SLC2A13: variants seen among roughly 807,000 people sequenced by gnomAD.
SLC2A13 encodes proton myo-inositol cotransporter.
In SLC2A13, 32 loss-of-function variants were observed where a neutral mutation model predicts 64.4. The ratio of observed to expected loss-of-function variants is 0.50; its 90% CI spans 0.37 to 0.67. SLC2A13 has a LOEUF of 0.67. Ranked by LOEUF, SLC2A13 falls within the 30% of genes least tolerant of loss-of-function variation. The pLI, the probability that SLC2A13 is intolerant of heterozygous loss-of-function variation, is 0.00. For synonymous variants in SLC2A13, 338 were observed against 327.1 expected (o/e 1.03, Z -0.36); for missense variants, 743 against 829.2 (o/e 0.90, Z 1.28).
intron 7 of SLC2A13, among the ~76,000 whole-genome samples, chr12:39,826,349 A>G (rs1003891873): frequency 6.6e-6 from 1 of 151,886 alleles, no homozygotes; most frequent in African/African-American, 2.4e-5. Context: ...AACAGCATAC[A>G]ACTGTATTAA....
chr12:39,894,822 AAG>A (rs1309352220), intron 4 of SLC2A13, among the ~76,000 whole-genome samples: 1 of 152,184 alleles, frequency 6.6e-6, no homozygotes, highest in African/African-American at 2.4e-5. Context: ...AAGAAAGATA[AAG>A]AGAGGGAAAG....
chr12:40,066,268 C>A (rs1937720007), intron 1 of SLC2A13, among the ~76,000 whole-genome samples: 2 of 152,146 alleles, frequency 1.3e-5, no homozygotes, highest in Non-Finnish European at 1.5e-5. Flanking sequence ...GTATAACATT[C>A]AGTAAATGGC....
At chr12:39,896,447 T>TGTAC (rs1555127854) in intron 4 of SLC2A13, among the ~76,000 whole-genome samples, 1 of 133,604 alleles carries the variant, frequency 7.5e-6, no homozygotes, top group African/African-American at 2.9e-5. Context: ...CATATATGTA[T>TGTAC]ATGTGTGTAT....
At chr12:39,946,804 A>G (rs1341248415) in intron 4 of SLC2A13, among the ~76,000 whole-genome samples, 1 of 152,218 alleles carries the variant, frequency 6.6e-6, no homozygotes, top group East Asian at 1.9e-4. Flanking sequence ...TGTGAAAGAA[A>G]AGGGCTTTAG....
chr12:39,796,311 T>C (rs1941573081), intron 7 of SLC2A13, among the ~76,000 whole-genome samples: 1 of 151,856 alleles, frequency 6.6e-6, no homozygotes, highest in African/African-American at 2.4e-5. Context: ...GGTACAATTC[T>C]GGGTGCAGTG....
chr12:39,901,593 G>T lies in SLC2A13; in HGVS notation c.1035-29632C>A, dbSNP rs546055073. On this transcript the variant is annotated intron_variant, in intron 4 of 9. Transcript: ENST00000280871. Reference sequence around the variant, plus strand: ...GCAGCCAAAAAACACATGAAAAAATGCTCATCATCACTGGCCATCAGAGAA... The same window carrying T: ...GCAGCCAAAAAACACATGAAAAAATTCTCATCATCACTGGCCATCAGAGAA... Among the ~76,000 whole-genome samples, 9 of 124,142 alleles carry T rather than the reference G, an allele frequency of 7.2e-5. No homozygotes were observed. The East Asian group carries it at 2.1e-3, about 29-fold the overall frequency. 81.4% of individuals were successfully genotyped at this position (124,142 alleles called of 152,430 possible).
intron 4 of SLC2A13, among the ~76,000 whole-genome samples, chr12:39,893,372 T>G (rs1467532764): frequency 6.6e-6 from 1 of 152,246 alleles, no homozygotes; most frequent in Non-Finnish European, 1.5e-5. Context: ...CAATCTCAGC[T>G]GGCTGCAACC....
chr12:40,095,208 T>C (rs1938899955), intron 1 of SLC2A13, among the ~76,000 whole-genome samples: 1 of 152,236 alleles, frequency 6.6e-6, no homozygotes, highest in Admixed American at 6.5e-5. Flanking sequence ...AAAATGTCCT[T>C]CCATAGAATA....
rs1938596207 is a variant in SLC2A13 at position 40,086,671 on chromosome 12, C to T, written c.556+18582G>A. ...GTTACAAATACGAGAAGAAACAAGA[C>T]ATGCATTGTTGTCTCCTATCCACAA... is the stretch of plus-strand genomic sequence containing the variant. On this transcript the variant is annotated intron_variant, in intron 1 of 9. Transcript: ENST00000280871. 3.3e-5 allele frequency among the ~76,000 whole-genome samples: 5 copies of T among 152,186 alleles called. No homozygotes were observed. In the South Asian group the frequency reaches 1.0e-3, roughly 32 times the overall value.
At chr12:40,071,756 G>A (rs1937968262) in intron 1 of SLC2A13, among the ~76,000 whole-genome samples, 2 of 152,070 alleles carry the variant, frequency 1.3e-5, no homozygotes, top group East Asian at 1.9e-4. Flanking sequence ...CATTTTTAAT[G>A]TCCATGGAAT....
intron 6 of SLC2A13, among the ~76,000 whole-genome samples, chr12:39,841,602 AAT>A (rs1380696916): frequency 6.6e-6 from 1 of 152,094 alleles, no homozygotes; most frequent in Non-Finnish European, 1.5e-5. Flanking sequence ...ATGTGTGCAT[AAT>A]ATATATACAT....
chr12:39,975,383 A>C (rs1170672499), intron 3 of SLC2A13, among the ~76,000 whole-genome samples: 1 of 152,234 alleles, frequency 6.6e-6, no homozygotes, highest in Non-Finnish European at 1.5e-5. Flanking sequence ...AAGACAATCT[A>C]AATTCAGACA....
intron 1 of SLC2A13, among the ~76,000 whole-genome samples, chr12:40,071,395 A>G (rs1937949625): frequency 6.6e-6 from 1 of 152,148 alleles, no homozygotes; most frequent in South Asian, 2.1e-4. Flanking sequence ...ATAATGGTAT[A>G]TGTCTTTAGT....
intron 4 of SLC2A13, among the ~76,000 whole-genome samples, chr12:39,918,339 A>C (rs1248766121): frequency 6.7e-6 from 1 of 148,776 alleles, no homozygotes; most frequent in Non-Finnish European, 1.5e-5. Context: ...ATAAGCATGA[A>C]TGTATAACAG....
At chr12:39,984,425 A>G (rs1202283046) in intron 3 of SLC2A13, among the ~76,000 whole-genome samples, 1 of 152,186 alleles carries the variant, frequency 6.6e-6, no homozygotes. Context: ...AAATAAAAAT[A>G]ACTTTAAAAA....
At position 40,028,504 on chromosome 12, in the gene SLC2A13, A is replaced by G. The variant is rs746386047; in HGVS notation, c.722T>C (p.Met241Thr). The G allele has an allele frequency of 3.7e-6, 6 of 1,612,956 alleles. No homozygotes were observed. Among genetic ancestry groups the G allele is most frequent in the African/African-American group, 1.3e-5 (1 of 74,762 alleles). The change falls in exon 3 of 10, where the codon ATG (methionine) becomes ACG (threonine). Residue 241 changes from methionine to threonine, a missense_variant. Met to Thr is a moderately conservative substitution (Grantham distance 81). This residue lies in a region of SLC2A13 where 448 missense variants were observed against 447.4 expected (regional missense o/e 1.00). Transcript: ENST00000280871. ...CGCCGGAACTGCTGCAAGTCCCAACATGTACCTGCAAAGAAAAAAAATCCA... is the reference window on the plus strand; with the variant it reads ...CGCCGGAACTGCTGCAAGTCCCAACGTGTACCTGCAAAGAAAAAAAATCCA... ...SYLQKDGWRY[M>T]LGLAAVPAVI...
At chr12:39,913,667 G>A (rs1337268532) in intron 4 of SLC2A13, among the ~76,000 whole-genome samples, 1 of 151,828 alleles carries the variant, frequency 6.6e-6, no homozygotes, top group Non-Finnish European at 1.5e-5. Context: ...TACATAATTT[G>A]TTCATAAGAA....
intron 3 of SLC2A13, among the ~76,000 whole-genome samples, chr12:39,958,573 TA>T (rs1946357329): frequency 6.6e-6 from 1 of 152,178 alleles, no homozygotes; most frequent in Non-Finnish European, 1.5e-5. Flanking sequence ...ACCTGTTGGC[TA>T]AAGCACCCCA....
At chr12:40,067,499 T>C (rs935385493) in intron 1 of SLC2A13, among the ~76,000 whole-genome samples, 7 of 145,398 alleles carry the variant, frequency 4.8e-5, no homozygotes, top group African/African-American at 1.7e-4. Context: ...GTATATTATT[T>C]AAACATAATA....
Sources: allele counts gnomAD v4.1 joint callset (sites outside exome capture counted in the v4.1 genomes callset), GRCh38; gene constraint gnomAD v4.1.1; regional missense constraint gnomAD v4.1.1; transcripts MANE v1.5; gene names NCBI Gene and HGNC (gene_info 2026-07-23, HGNC 2026-07-21).